The following KIFC3 variants were observed in gnomAD, a reference collection of about 807,000 sequenced individuals.
KIFC3 encodes the protein kinesin family member C3.
A neutral mutation model predicts 101.8 loss-of-function variants in KIFC3; 60 were observed. The ratio of observed to expected loss-of-function variants is 0.59; its 90% confidence interval spans 0.48 to 0.73. The LOEUF (loss-of-function observed/expected upper bound fraction) is 0.73. Among genes scored for constraint, KIFC3 ranks in the 30% least tolerant of loss-of-function variants. KIFC3 has a pLI of 0.00. For missense variants in KIFC3, 966 were observed against 1,137.1 expected, an observed-to-expected ratio of 0.85 and a Z score of 2.16; for synonymous variants, 476 against 482.7, an observed-to-expected ratio of 0.99 and a Z score of 0.18.
At chr16:57,837,943 C>T (rs2055729641) in intron 1 of KIFC3, among the ~76,000 whole-genome samples, 1 of 152,156 alleles carries the variant, frequency 6.6e-6, no homozygotes, top group Non-Finnish European at 1.5e-5. Flanking sequence ...CAGAGCGCAG[C>T]CCAGACCCAG....
At chr16:57,762,101 T>C (rs2049932709) in intron 13 of KIFC3, 39 bp downstream of exon 13, 1 of 1,540,062 alleles carries the variant, frequency 6.5e-7, no homozygotes, top group Non-Finnish European at 8.8e-7. Flanking sequence ...ACCCCAAAGC[T>C]GCCCCTGAGG....
chr16:57,779,706 C>A (rs916040879), intron 3 of KIFC3, among the ~76,000 whole-genome samples: 4 of 152,038 alleles, frequency 2.6e-5, no homozygotes, highest in African/African-American at 9.6e-5. Context: ...CCCAGCTATG[C>A]GGGAGCCGGA....
In KIFC3 at chr16:57,785,781, G is replaced by T. The variant is rs2053258869; in HGVS notation, c.315+9218C>A. The T allele has an allele frequency of 5.9e-6, 3 of 504,752 alleles. No homozygotes were observed. In the South Asian group the frequency reaches 9.0e-5, roughly 15 times the overall value. The allele number at this position is 504,752 out of a possible 1,614,324, so 31.3% of individuals were successfully genotyped here. ...GATGATAGAGGTGCAAGCAGAGGGG[G>T]TGGGCAACCAGGTGAGGGCTGGGGC... On this transcript the variant is annotated intron_variant, in intron 3 of 19. Transcript: ENST00000445690.
chr16:57,801,048 C>T (rs1364016216), intron 1 of KIFC3, among the ~76,000 whole-genome samples: 3 of 152,152 alleles, frequency 2.0e-5, no homozygotes. Context: ...TTAGACAAGG[C>T]CAAGTGTTCA....
At chr16:57,813,685 C>A (rs965254881) in intron 1 of KIFC3, 2 of 985,094 alleles carry the variant, frequency 2.0e-6, no homozygotes, top group Non-Finnish European at 2.4e-6. Context: ...TGGCATCCTG[C>A]GTGTGTCCAG....
chr16:57,827,789 T>C (rs1555631044), intron 1 of KIFC3, among the ~76,000 whole-genome samples: 1 of 152,192 alleles, frequency 6.6e-6, no homozygotes, highest in African/African-American at 2.4e-5. Flanking sequence ...TGGAACCCCA[T>C]GCCAGTTCTA....
chr16:57,814,492 G>A (rs2055171299), intron 1 of KIFC3, among the ~76,000 whole-genome samples: 1 of 152,156 alleles, frequency 6.6e-6, no homozygotes, highest in African/African-American at 2.4e-5. Flanking sequence ...CTATGTGCCA[G>A]GTACTATGTG....
At chr16:57,791,266 G>A (rs986740568) in intron 3 of KIFC3, among the ~76,000 whole-genome samples, 2 of 152,136 alleles carry the variant, frequency 1.3e-5, no homozygotes, top group Non-Finnish European at 2.9e-5. Context: ...ACTTAATTTT[G>A]ACCCCACCCT....
At chr16:57,784,917 C>T (rs1426670575) in intron 3 of KIFC3, among the ~76,000 whole-genome samples, 2 of 152,192 alleles carry the variant, frequency 1.3e-5, no homozygotes, top group Non-Finnish European at 2.9e-5. Context: ...AAGGAGACAA[C>T]GCTGACCTGC....
intron 4 of KIFC3, 140 bp downstream of exon 4, chr16:57,772,083 A>G: frequency 1.4e-6 from 1 of 737,664 alleles, no homozygotes; most frequent in Non-Finnish European, 2.3e-6. Context: ...AGGTGGGGAT[A>G]AGGCTCTCGG....
At chr16:57,808,501 C>T (rs1487328332) in intron 1 of KIFC3, among the ~76,000 whole-genome samples, 6 of 152,172 alleles carry the variant, frequency 3.9e-5, no homozygotes, top group African/African-American at 1.4e-4. Context: ...TCATTCACTT[C>T]TCCCCACCTG....
upstream of KIFC3, among the ~76,000 whole-genome samples, chr16:57,806,665 A>C (rs74019703): frequency 0.13 from 19,602 of 152,240 alleles, 1,549 homozygotes; most frequent in African/African-American, 0.22. Flanking sequence ...CATGTAAAGT[A>C]ATGATAATTT....
rs1389780084 is a variant in KIFC3, at chr16:57,795,891, T to TTG, written c.173-751_173-750insCA. ...GTTTTTTTGGGCTTTTTTGTTTTTTTTTTTTTTTTTTTTTTTTTTTGAGAC... is the reference window on the plus strand; with the variant it reads ...GTTTTTTTGGGCTTTTTTGTTTTTTTTGTTTTTTTTTTTTTTTTTTTTGAGAC... On this transcript the variant is annotated intron_variant, in intron 2 of 19. Coordinates refer to ENST00000445690, the MANE Select transcript of KIFC3 (RefSeq NM_001130100.2). Among the ~76,000 whole-genome samples, 637 of 93,682 alleles carry TTG rather than the reference T, an allele frequency of 6.8e-3. 33 individuals are homozygous for TTG. Among genetic ancestry groups the TTG allele is most frequent in the Non-Finnish European group, 0.013 (465 of 37,090 alleles). The allele number at this position is 93,682 out of a possible 152,430, so 61.5% of individuals were successfully genotyped here.
At chr16:57,780,667 ATTTTTTTTTTT>A (rs1191334568) in intron 3 of KIFC3, among the ~76,000 whole-genome samples, 1 of 69,936 alleles carries the variant, frequency 1.4e-5, no homozygotes, top group Non-Finnish European at 2.5e-5. Flanking sequence ...CTGAAGACAA[ATTTTTTTTTTT>A]TTTTTTTTTT....
At chr16:57,843,002 G>A (rs2055843410) in intron 1 of KIFC3, among the ~76,000 whole-genome samples, 1 of 152,020 alleles carries the variant, frequency 6.6e-6, no homozygotes, top group Non-Finnish European at 1.5e-5. Flanking sequence ...GCATGGTGGT[G>A]CAAGCCTGTA....
upstream of KIFC3, among the ~76,000 whole-genome samples, chr16:57,805,065 A>G (rs1160682048): frequency 1.3e-5 from 2 of 152,098 alleles, no homozygotes; most frequent in African/African-American, 4.8e-5. Context: ...TCCTGACCTC[A>G]AGTGATCCCC....
At chr16:57,855,281 C>T (rs549831759) in intron 1 of KIFC3, among the ~76,000 whole-genome samples, 5 of 152,004 alleles carry the variant, frequency 3.3e-5, no homozygotes, top group South Asian at 4.2e-4. Context: ...TGCCCCACCA[C>T]GCCCAGCTAA....
chr16:57,789,733 G>C (rs375293639), intron 3 of KIFC3, among the ~76,000 whole-genome samples: 6 of 152,108 alleles, frequency 3.9e-5, no homozygotes, highest in East Asian at 1.9e-4. Context: ...GTTTTGTTTT[G>C]TTTTCTTTTC....
intron 1 of KIFC3, chr16:57,815,503 G>A: frequency 1.6e-6 from 2 of 1,263,444 alleles, no homozygotes; most frequent in Non-Finnish European, 2.1e-6. Context: ...GCTGATCTGG[G>A]ACCACATCAG....
Sources: gnomAD v4.1 joint callset for allele counts (sites outside exome capture counted in the v4.1 genomes callset) on GRCh38, gnomAD v4.1.1 for gene constraint, MANE v1.5 for transcripts, NCBI Gene and HGNC (gene_info 2026-07-23, HGNC 2026-07-21) for gene names.